The following IGSF22 variants were observed in gnomAD, a reference collection of about 807,000 sequenced individuals.
IGSF22 encodes the protein immunoglobulin superfamily, member 22.
A neutral mutation model predicts 127.0 loss-of-function variants in IGSF22; 119 were observed. The observed-to-expected ratio is 0.94, with a 90% confidence interval of 0.81 to 1.09. The LOEUF is 1.09. Among genes scored for constraint, IGSF22 ranks in the 50% least tolerant of loss-of-function variants. The probability of loss-of-function intolerance (pLI) is 0.00; values close to 1 mark genes in which losing one functional copy is unlikely to be tolerated. For missense variants in IGSF22, 1,518 were observed against 1,716.6 expected (o/e 0.88, Z 2.04); for synonymous variants, 568 against 664.7 (o/e 0.85, Z 2.24).
chr11:18,717,926 C>CA lies in IGSF22; in HGVS notation c.973+4dup. 1 of 1,612,688 alleles carries CA rather than the reference C, an allele frequency of 6.2e-7. No individual in the cohort carries two copies. The highest frequency in any genetic ancestry group is 8.5e-7 in the Non-Finnish European group (1 of 1,179,050). Reference sequence around the variant, plus strand: ...CCTTGTGCCCTTGCATGCCCCCACTCATACCCAGCACTGTGAGCTCTGCAC... The same window carrying CA: ...CCTTGTGCCCTTGCATGCCCCCACTCAATACCCAGCACTGTGAGCTCTGCAC... On this transcript the variant is annotated splice_donor_region_variant and intron_variant, in intron 9 of 22. Transcript: ENST00000513874.
At chr11:18,719,654 T>C in intron 7 of IGSF22, 62 bp downstream of exon 7, 1 of 1,538,152 alleles carries the variant, frequency 6.5e-7, no homozygotes, top group Middle Eastern at 1.7e-4. Flanking sequence ...ACACAGGCAC[T>C]AGCACTTTGG....
rs1848254547 is a variant in IGSF22, at chr11:18,707,162, G to C, written c.3332C>G (p.Thr1111Arg). 1 of 1,549,994 alleles carries C rather than the reference G, an allele frequency of 6.5e-7. No homozygotes were observed. Among genetic ancestry groups the C allele is most frequent in the Admixed American group, 2.0e-5 (1 of 50,778 alleles). The change falls in exon 21 of 23, where the codon ACA becomes AGA. Residue 1111 changes from threonine to arginine, a missense_variant. Thr to Arg is a moderately conservative substitution (Grantham distance 71). Around this residue, in one of 3 missense-constraint regions of IGSF22, gnomAD observed 1,456 missense variants for 1,644.9 expected, o/e 0.89. Transcript: ENST00000513874. ...GCTGTGGTTCCAGGTCAGAGTCACT[G>C]TGTTGGGGACTTCCTCAAACAACCG... ...NLRLFEEVPN[T>R]VTLTWNHSPD...
Position 18,708,231 on chromosome 11 carries a change from G to A in IGSF22, c.3063C>T (p.Ala1021=), listed in dbSNP as rs1848283962. ...KSHMVVRAGT[A]LCIHAAFSGS... ...CAGAGAAGGCTGCATGGATGCAGAG[G>A]GCTGTCCCAGCGCGAACCACCATGT... The change falls in exon 19 of 23, where the codon GCC becomes GCT. Residue 1021 remains alanine, a synonymous_variant. Coordinates refer to ENST00000513874, the MANE Select transcript of IGSF22 (RefSeq NM_173588.4). The A allele has an allele frequency of 2.6e-6, 4 of 1,547,890 alleles. No homozygotes were observed. Among genetic ancestry groups the A allele is most frequent in the African/African-American group, 1.4e-5 (1 of 72,970 alleles).
intron 20 of IGSF22, 193 bp from the exon 21 acceptor site, chr11:18,707,406 T>C (rs1361803364): frequency 1.8e-6 from 1 of 561,008 alleles, no homozygotes; most frequent in Non-Finnish European, 3.1e-6. Context: ...AAGTTACTTA[T>C]CTGAGACTTC....
chr11:18,705,712 G>T, intron 22 of IGSF22, 105 bp downstream of exon 22: 1 of 960,490 alleles, frequency 1.0e-6, no homozygotes, highest in Non-Finnish European at 1.5e-6. Context: ...CCTGTTGGCA[G>T]TCAGATTAAA....
Position 18,710,677 on chromosome 11 carries a change from T to C in IGSF22, c.2550A>G (p.Pro850=), listed in dbSNP as rs764501894. 1 of 1,613,024 alleles carries C rather than the reference T, an allele frequency of 6.2e-7. No homozygotes were observed. ...RRKKGSNLWV[P]VNKDPIQGTK... ...CACCCTGGATGGGGTCCTTGTTGAC[T>C]GGCACCCACAGGTTGCTGCCTTTCT... is the stretch of plus-strand genomic sequence containing the variant. Residue 850 remains proline (P), a synonymous_variant, in exon 16 of 23, where the codon CCA becomes CCG. Coordinates refer to ENST00000513874, the MANE Select transcript of IGSF22 (RefSeq NM_173588.4).
chr11:18,709,420 GC>G lies in IGSF22; in HGVS notation c.2964del (p.Glu988AspfsTer2), dbSNP rs1391795393. On this transcript the variant is annotated frameshift_variant, in exon 18 of 23. Transcript: ENST00000513874. LOFTEE classifies it high-confidence loss of function. The surrounding 1 kb of genome is among the most constrained non-coding windows in gnomAD (Gnocchi z 4.8). ...GGCATGGCACGGACCCCCTTGTCTA[GC>G]TCCACAGGCTCCCCAACCCCAGCCT... ...VNEAGVGEPV[E>X]LDKGVRAMPP... The G allele has an allele frequency of 6.2e-7, 1 of 1,614,080 alleles. No individual in the cohort carries two copies. The highest frequency in any genetic ancestry group is 2.2e-5 in the East Asian group (1 of 44,880).
intron 9 of IGSF22, among the ~76,000 whole-genome samples, chr11:18,717,480 G>C (rs1848484002): frequency 1.3e-5 from 2 of 152,088 alleles, no homozygotes; most frequent in African/African-American, 4.8e-5. Flanking sequence ...CCAGGCTAAA[G>C]TGAAGTGCAG....
At position 18,710,639 on chromosome 11, in the gene IGSF22, G is replaced by C; in HGVS notation, c.2572+16C>G. On this transcript the variant is annotated intron_variant, in intron 16 of 22. Transcript: ENST00000513874. ...CTCCTTTGGTCACTCCTGGGCCTCT[G>C]TTCCAAGGACCTCACCCTGGATGGG... 6.2e-7 allele frequency: 1 copy of C among 1,606,784 alleles called. No homozygotes were observed. The highest frequency in any genetic ancestry group is 8.5e-7 in the Non-Finnish European group (1 of 1,173,966).
Position 18,721,524 on chromosome 11 carries a change from G to A in IGSF22, c.378+11C>T, listed in dbSNP as rs1483602195. ...CTTCTCGGTAACTGGACTTGGGCTT[G>A]GCCCCCGCACCTTCAGCACGTGTTC... On this transcript the variant is annotated intron_variant, in intron 4 of 22. Transcript: ENST00000513874. 6.2e-7 allele frequency: 1 copy of A among 1,614,030 alleles called. No homozygotes were observed. Among genetic ancestry groups the A allele is most frequent in the East Asian group, 2.2e-5 (1 of 44,900 alleles).
At chr11:18,715,808 C>T in intron 10 of IGSF22, 92 bp from the exon 11 acceptor site, 1 of 1,370,094 alleles carries the variant, frequency 7.3e-7, no homozygotes, top group South Asian at 1.3e-5. Flanking sequence ...TCTTTCTGTC[C>T]CCAGAAAACA....
chr11:18,721,998 GAAGA>G lies in IGSF22; in HGVS notation c.149_152del (p.Phe50SerfsTer3). 6.2e-7 allele frequency: 1 copy of G among 1,614,106 alleles called. No individual in the cohort carries two copies. The highest frequency in any genetic ancestry group is 2.2e-5 in the East Asian group (1 of 44,872). ...TGTTTGAGCTCCGGGTCACTAAGCT[GAAGA>G]ACTCCACTATGCTCGAGGACTTCCT... is the stretch of plus-strand genomic sequence containing the variant. On this transcript the variant is annotated frameshift_variant, in exon 3 of 23. Coordinates refer to ENST00000513874, the MANE Select transcript of IGSF22 (RefSeq NM_173588.4). LOFTEE classifies it high-confidence loss of function.
At chr11:18,715,799 CT>C in intron 10 of IGSF22, 83 bp from the exon 11 acceptor site, 1 of 1,437,148 alleles carries the variant, frequency 7.0e-7, no homozygotes, top group East Asian at 2.3e-5. Context: ...CCCTGTCCCT[CT>C]TTCTGTCCCC....
Position 18,722,054 on chromosome 11 carries a change from G to A in IGSF22, c.110-13C>T, listed in dbSNP as rs1478372646. The A allele has an allele frequency of 6.2e-7, 1 of 1,613,480 alleles. No individual in the cohort carries two copies. Among genetic ancestry groups the A allele is most frequent in the Non-Finnish European group, 8.5e-7 (1 of 1,180,012 alleles). ...CTCACGACCTCCTCTGTGGGGGCAG[G>A]CGAGAGGTCAGAATGGGCTCCAGGT... On this transcript the variant is annotated splice_polypyrimidine_tract_variant and intron_variant, in intron 2 of 22. Coordinates refer to ENST00000513874, the MANE Select transcript of IGSF22 (RefSeq NM_173588.4).
chr11:18,719,902 AG>A lies in IGSF22; in HGVS notation c.519-10del. 6.2e-7 allele frequency: 1 copy of A among 1,614,062 alleles called. No individual in the cohort carries two copies. The highest frequency in any genetic ancestry group is 8.5e-7 in the Non-Finnish European group (1 of 1,179,972). Reference sequence around the variant, plus strand: ...TGGGAGCAGGGGGTGCCCTAGGAGAAGGAGGAAGGGACTAAGCTTGTACACA... The same window carrying A: ...TGGGAGCAGGGGGTGCCCTAGGAGAAGAGGAAGGGACTAAGCTTGTACACA... On this transcript the variant is annotated splice_polypyrimidine_tract_variant and intron_variant, in intron 6 of 22. Transcript: ENST00000513874.
At chr11:18,712,046 T>G in intron 15 of IGSF22, 36 bp downstream of exon 15, 1 of 1,520,386 alleles carries the variant, frequency 6.6e-7, no homozygotes, top group South Asian at 1.3e-5. Context: ...TGCTGACCCC[T>G]GGGTTCCCCA....
intron 2 of IGSF22, among the ~76,000 whole-genome samples, chr11:18,723,783 C>G (rs886122666): frequency 3.3e-5 from 5 of 152,222 alleles, no homozygotes; most frequent in African/African-American, 1.2e-4. Context: ...AGGTGGCTAC[C>G]TTCCTAATTT....
At chr11:18,717,282 A>G (rs1430621905) in intron 9 of IGSF22, among the ~76,000 whole-genome samples, 2 of 152,190 alleles carry the variant, frequency 1.3e-5, no homozygotes, top group Non-Finnish European at 2.9e-5. Flanking sequence ...CAATTATCAC[A>G]TAGGTAGATT....
At chr11:18,715,342 G>C in intron 11 of IGSF22, 90 bp downstream of exon 11, 2 of 1,367,038 alleles carry the variant, frequency 1.5e-6, no homozygotes, top group South Asian at 2.6e-5. Context: ...GAGGGTTGGA[G>C]TTAGTGGGAG....
Sources: gnomAD v4.1 joint callset for allele counts (sites outside exome capture counted in the v4.1 genomes callset) on GRCh38, gnomAD v4.1.1 for gene constraint, gnomAD v4.1.1 regional missense constraint, Gnocchi (gnomAD v3.1) non-coding constraint, MANE v1.5 for transcripts, NCBI Gene and HGNC (gene_info 2026-07-23, HGNC 2026-07-21) for gene names.